FN3KRP: variants seen among roughly 807,000 people sequenced by gnomAD.
FN3KRP encodes ketosamine-3-kinase.
In FN3KRP, 33 loss-of-function variants were observed where a neutral mutation model predicts 29.8. That is an observed-to-expected ratio of 1.11 (90% CI 0.84 to 1.48). The LOEUF (loss-of-function observed/expected upper bound fraction) is 1.48. Among genes scored for constraint, FN3KRP ranks in the 40% most tolerant of loss-of-function variants. The probability of loss-of-function intolerance (pLI) is 0.00; values close to 1 mark genes in which losing one functional copy is unlikely to be tolerated. For synonymous variants in FN3KRP, 157 were observed against 155.2 expected, an observed-to-expected ratio of 1.01 and a Z score of -0.09; for missense variants, 430 against 402.6, an observed-to-expected ratio of 1.07 and a Z score of -0.58.
At chr17:82,718,847 C>A in intron 1 of FN3KRP, 59 bp from the exon 2 acceptor site, 1 of 1,575,340 alleles carries the variant, frequency 6.3e-7, no homozygotes, top group Non-Finnish European at 8.7e-7. Context: ...ATCTACAGAA[C>A]CTTCCGGAAG....
chr17:82,722,280 G>A (rs1005782711), intron 3 of FN3KRP, among the ~76,000 whole-genome samples: 4 of 152,060 alleles, frequency 2.6e-5, no homozygotes, highest in Admixed American at 6.6e-5. Flanking sequence ...GATTATAGGC[G>A]CCTGCCACCA....
At position 82,716,848 on chromosome 17, in the gene FN3KRP, C is replaced by T. The variant is rs771062744; in HGVS notation, c.93C>T (p.Tyr31=). 1.3e-6 allele frequency: 2 copies of T among 1,561,538 alleles called. No homozygotes were observed. Among genetic ancestry groups the T allele is most frequent in the South Asian group, 1.2e-5 (1 of 85,320 alleles). ...GGTGCATCAGCCAGGGCCGGAGCTA[C>T]GACACGGATCAAGGACGAGTGTTCG... is the stretch of plus-strand genomic sequence containing the variant. ...GGGCISQGRS[Y]DTDQGRVFVK... The change falls in exon 1 of 6, where the codon TAC becomes TAT. Residue 31 remains tyrosine, a synonymous_variant. Transcript: ENST00000269373.
In FN3KRP at chr17:82,723,791, C is replaced by G. The variant is rs1056923124; in HGVS notation, c.468+905C>G. 2.0e-5 allele frequency among the ~76,000 whole-genome samples: 3 copies of G among 151,906 alleles called. No individual in the cohort carries two copies. The East Asian group carries it at 5.8e-4, about 29-fold the overall frequency. On this transcript the variant is annotated intron_variant, in intron 4 of 5. Coordinates refer to ENST00000269373, the MANE Select transcript of FN3KRP (RefSeq NM_024619.4). ...CCTCCTGGGTGGTAAGCACCTGTGA[C>G]CTGGATGTCCTTTCTCGGGGTCCTT...
chr17:82,719,678 G>A (rs889359855), intron 2 of FN3KRP, among the ~76,000 whole-genome samples: 7 of 150,704 alleles, frequency 4.6e-5, no homozygotes, highest in African/African-American at 1.7e-4. Context: ...TCACTTGAAC[G>A]CAGGAGGCAG....
chr17:82,718,701 A>G, intron 1 of FN3KRP: 2 of 1,247,360 alleles, frequency 1.6e-6, no homozygotes, highest in Non-Finnish European at 1.1e-6. Flanking sequence ...GGAAAGCTCA[A>G]GCCCTCTTCT....
chr17:82,722,984 G>C, intron 4 of FN3KRP, 98 bp downstream of exon 4: 3 of 1,108,536 alleles, frequency 2.7e-6, no homozygotes, highest in Non-Finnish European at 3.9e-6. Flanking sequence ...GTGAGCTTCA[G>C]TAAAAGTATT....
intron 4 of FN3KRP, 72 bp downstream of exon 4, chr17:82,722,958 C>A: frequency 7.6e-7 from 1 of 1,310,514 alleles, no homozygotes. Flanking sequence ...GGGGGACACA[C>A]CCCCCTCCTT....
At chr17:82,722,377 C>T (rs1054201360) in intron 3 of FN3KRP, among the ~76,000 whole-genome samples, 3 of 152,222 alleles carry the variant, frequency 2.0e-5, no homozygotes, top group Non-Finnish European at 4.4e-5. Context: ...TCCGGTGATC[C>T]GCCCACCTCA....
chr17:82,723,919 C>T (rs1410099321), intron 4 of FN3KRP, among the ~76,000 whole-genome samples: 2 of 151,944 alleles, frequency 1.3e-5, no homozygotes, highest in Non-Finnish European at 2.9e-5. Context: ...GGTCAGCCAG[C>T]TCTGGCCTCA....
chr17:82,722,842 C>G lies in FN3KRP; in HGVS notation c.424C>G (p.Arg142Gly), dbSNP rs144422621. ...GCAGGAGGAACGGCCCTTTGTGGCC[C>G]GGTTTGGATTTGACGTGGTGACGTG... ...GGQEERPFVARFGFDVVTCCG... is the reference protein window; with the variant it reads ...GGQEERPFVAGFGFDVVTCCG... Residue 142 changes from arginine (R) to glycine (G), a missense_variant, in exon 4 of 6, where the codon CGG (arginine) becomes GGG (glycine). Physicochemically the swap from Arg to Gly is moderately radical, Grantham distance 125. Coordinates refer to ENST00000269373, the MANE Select transcript of FN3KRP (RefSeq NM_024619.4). The G allele has an allele frequency of 4.3e-6, 7 of 1,613,940 alleles. No homozygotes were observed. The Admixed American group carries it at 1.2e-4, about 27-fold the overall frequency.
At chr17:82,723,565 ATGTG>A (rs373232630) in intron 4 of FN3KRP, among the ~76,000 whole-genome samples, 2 of 144,240 alleles carry the variant, frequency 1.4e-5, no homozygotes, top group Non-Finnish European at 3.0e-5. Flanking sequence ...GCATATGTGT[ATGTG>A]TGTGCATGTG....
At position 82,722,624 on chromosome 17, in the gene FN3KRP, T is replaced by G. The variant is rs140601876; in HGVS notation, c.386-180T>G. The G allele has an allele frequency of 3.2e-4, 182 of 576,106 alleles. No homozygotes were observed. The East Asian group carries it at 4.9e-3, about 16-fold the overall frequency. 35.7% of individuals were successfully genotyped at this position (576,106 alleles called of 1,614,324 possible). A position where few individuals can be genotyped will look rare whatever the true frequency, so the allele number is the denominator to read the frequency against. ...TAGTGTTTTTGATGCTGACATCTGC[T>G]GGAGCAGGCTCTGTTAGGGGTGTTG... On this transcript the variant is annotated intron_variant, in intron 3 of 5. Coordinates refer to ENST00000269373, the MANE Select transcript of FN3KRP (RefSeq NM_024619.4).
chr17:82,717,204 G>T (rs1366917595), intron 1 of FN3KRP, among the ~76,000 whole-genome samples: 9 of 152,176 alleles, frequency 5.9e-5, no homozygotes, highest in Non-Finnish European at 1.5e-5. Flanking sequence ...AATGGGGCGG[G>T]ACTGGCTGCT....
chr17:82,719,181 G>A, intron 2 of FN3KRP, 124 bp downstream of exon 2: 1 of 877,394 alleles, frequency 1.1e-6, no homozygotes, highest in Non-Finnish European at 1.8e-6. Flanking sequence ...GCAGGTGTGT[G>A]TTCACACCAC....
intron 3 of FN3KRP, 51 bp from the exon 4 acceptor site, chr17:82,722,753 G>T (rs768409975): frequency 6.3e-7 from 1 of 1,577,550 alleles, no homozygotes; most frequent in Non-Finnish European, 8.7e-7. Context: ...TCGAGAGTGG[G>T]CGCTGGGATC....
intron 4 of FN3KRP, 93 bp downstream of exon 4, chr17:82,722,979 C>G (rs1302334682): frequency 1.7e-6 from 2 of 1,160,504 alleles, no homozygotes; most frequent in Admixed American, 4.7e-5. Context: ...TTTTTGTGAG[C>G]TTCAGTAAAA....
rs534747490 is a variant in FN3KRP, at chr17:82,723,601, ATG to A, written c.468+718_468+719del. 1.5e-3 allele frequency among the ~76,000 whole-genome samples: 222 copies of A among 151,532 alleles called. 1 individual carries two copies. The highest frequency in any genetic ancestry group is 0.01 in the South Asian group (50 of 4,772). On this transcript the variant is annotated intron_variant, in intron 4 of 5. Transcript: ENST00000269373. Reference sequence around the variant, plus strand: ...TGTGTGTGCATATGTGTGCATGTGTATGTGCACGCATGTGTGCATATGTGTAT... The same window carrying A: ...TGTGTGTGCATATGTGTGCATGTGTATGCACGCATGTGTGCATATGTGTAT...
chr17:82,726,770 T>A, intron 5 of FN3KRP, 63 bp from the exon 6 acceptor site: 1 of 1,488,958 alleles, frequency 6.7e-7, no homozygotes, highest in Non-Finnish European at 9.0e-7. Flanking sequence ...GGTGGGGACC[T>A]GGAGCGGCGC....
intron 2 of FN3KRP, 28 bp downstream of exon 2, chr17:82,719,085 G>A (rs116277761): frequency 0.017 from 24,512 of 1,457,414 alleles, 253 homozygotes; most frequent in African/African-American, 0.043. Flanking sequence ...CCCCCACCTG[G>A]CTTTATTACC....
Sources: allele counts gnomAD v4.1 joint callset (sites outside exome capture counted in the v4.1 genomes callset), GRCh38; gene constraint gnomAD v4.1.1; transcripts MANE v1.5; gene names NCBI Gene and HGNC (gene_info 2026-07-23, HGNC 2026-07-21).